DNM3: variants seen among roughly 807,000 people sequenced by gnomAD.
DNM3 encodes dynamin-3.
In DNM3, 47 loss-of-function variants were observed where a neutral mutation model predicts 101.6. The observed-to-expected ratio is 0.46, with a 90% CI of 0.37 to 0.59. The LOEUF (loss-of-function observed/expected upper bound fraction) is 0.59. DNM3 is among the 20% of genes least tolerant of loss of function. DNM3 has a pLI of 0.00. For missense variants in DNM3, 849 were observed against 1,085.7 expected, an observed-to-expected ratio of 0.78 and a Z score of 3.06; for synonymous variants, 385 against 387.9, an observed-to-expected ratio of 0.99 and a Z score of 0.09.
At chr1:171,897,517 A>G (rs1318698844) in intron 1 of DNM3, among the ~76,000 whole-genome samples, 1 of 152,232 alleles carries the variant, frequency 6.6e-6, no homozygotes, top group Non-Finnish European at 1.5e-5. Flanking sequence ...GTAGTGAATA[A>G]TCATGTCTAT....
intron 14 of DNM3, among the ~76,000 whole-genome samples, chr1:172,193,676 A>T (rs12354088): frequency 6.6e-6 from 1 of 152,068 alleles, no homozygotes; most frequent in Non-Finnish European, 1.5e-5. Context: ...ATCTGATGGT[A>T]GTTTGTATTT....
chr1:171,902,718 G>T (rs1415552860), intron 1 of DNM3, among the ~76,000 whole-genome samples: 2 of 152,032 alleles, frequency 1.3e-5, no homozygotes, highest in Non-Finnish European at 2.9e-5. Context: ...TTATCTGTTG[G>T]TGATGACATG....
intron 14 of DNM3, among the ~76,000 whole-genome samples, 190 bp downstream of exon 14, chr1:172,131,478 T>A (rs886887759): frequency 3.3e-5 from 5 of 152,222 alleles, no homozygotes; most frequent in African/African-American, 1.2e-4. Context: ...CGCCCAAATT[T>A]CTTTTTCTTT....
chr1:172,309,002 A>G (rs2064968183), intron 16 of DNM3, 163 bp downstream of exon 16: 2 of 426,172 alleles, frequency 4.7e-6, no homozygotes, highest in South Asian at 7.5e-5. Flanking sequence ...TTTTTTAACA[A>G]TGCTTTTTCT....
At chr1:172,344,151 A>T (rs531552150) in intron 17 of DNM3, among the ~76,000 whole-genome samples, 7 of 152,288 alleles carry the variant, frequency 4.6e-5, no homozygotes, top group South Asian at 2.1e-4. Context: ...GCCAGGCAAG[A>T]TTCAGAGGAC....
chr1:172,261,043 C>T (rs2062622838), intron 15 of DNM3, among the ~76,000 whole-genome samples: 1 of 152,052 alleles, frequency 6.6e-6, no homozygotes, highest in Non-Finnish European at 1.5e-5. Context: ...TACCACTGGG[C>T]TTAAGTGATT....
At chr1:171,887,055 C>G (rs1029703505) in intron 1 of DNM3, among the ~76,000 whole-genome samples, 7 of 152,290 alleles carry the variant, frequency 4.6e-5, no homozygotes, top group East Asian at 3.9e-4. Context: ...AATTGAATTA[C>G]TAGAGATGCT....
At chr1:171,927,769 A>G (rs1489127562) in intron 2 of DNM3, among the ~76,000 whole-genome samples, 1 of 152,198 alleles carries the variant, frequency 6.6e-6, no homozygotes, top group Non-Finnish European at 1.5e-5. Flanking sequence ...GTTTCCTTGG[A>G]TTGGGTTTTG....
At chr1:172,268,298 T>C (rs991978155) in intron 15 of DNM3, among the ~76,000 whole-genome samples, 5 of 151,834 alleles carry the variant, frequency 3.3e-5, no homozygotes, top group African/African-American at 9.7e-5. Context: ...AAAAATTGTA[T>C]ATTTTGAAAG....
chr1:172,159,218 A>T (rs748629608), intron 14 of DNM3, among the ~76,000 whole-genome samples: 1 of 152,120 alleles, frequency 6.6e-6, no homozygotes, highest in African/African-American at 2.4e-5. Flanking sequence ...AAAGCCGTCT[A>T]TGGAAAAGAA....
intron 13 of DNM3, among the ~76,000 whole-genome samples, chr1:172,097,513 G>A (rs745545518): frequency 3.3e-5 from 5 of 152,184 alleles, no homozygotes; most frequent in African/African-American, 4.8e-5. Context: ...GGAGACATAA[G>A]TTTCACTGTT....
chr1:172,250,297 G>T (rs2062117952), intron 14 of DNM3, among the ~76,000 whole-genome samples: 1 of 152,052 alleles, frequency 6.6e-6, no homozygotes, highest in Admixed American at 6.6e-5. Context: ...TCTCAAGTTG[G>T]GAAAAGATGT....
At chr1:171,901,210 C>A (rs1488886871) in intron 1 of DNM3, among the ~76,000 whole-genome samples, 1 of 151,398 alleles carries the variant, frequency 6.6e-6, no homozygotes, top group Non-Finnish European at 1.5e-5. Context: ...ATTGAGAAAT[C>A]CAAAAATTTA....
At chr1:172,106,844 A>ATTCTTTTT (rs2055061827) in intron 13 of DNM3, among the ~76,000 whole-genome samples, 1 of 51,052 alleles carries the variant, frequency 2.0e-5, no homozygotes. Context: ...AGGTAACATT[A>ATTCTTTTT]TTCTTTTTTT....
intron 14 of DNM3, among the ~76,000 whole-genome samples, chr1:172,170,024 A>T (rs139997052): frequency 1.8e-4 from 28 of 152,002 alleles, no homozygotes; most frequent in African/African-American, 5.8e-4. Context: ...AAGTATGTTT[A>T]GGAAGCAGAT....
chr1:172,276,095 C>T (rs1264268906), intron 15 of DNM3, among the ~76,000 whole-genome samples: 1 of 151,970 alleles, frequency 6.6e-6, no homozygotes, highest in Non-Finnish European at 1.5e-5. Flanking sequence ...AGTTAGCAAG[C>T]CTCCCCCCAT....
At chr1:172,371,864 ATT>A (rs1454420715) in intron 17 of DNM3, among the ~76,000 whole-genome samples, 21 of 148,152 alleles carry the variant, frequency 1.4e-4, no homozygotes, top group African/African-American at 5.2e-4. Context: ...ATTTATTTTT[ATT>A]TTTATTTTTT....
chr1:172,269,792 GC>G (rs151300736), intron 15 of DNM3, among the ~76,000 whole-genome samples: 4 of 152,068 alleles, frequency 2.6e-5, no homozygotes, highest in South Asian at 2.1e-4. Context: ...ATAGCGTGGG[GC>G]CCCCAGGCTG....
chr1:171,922,619 C>A (rs1015313812), intron 2 of DNM3, among the ~76,000 whole-genome samples: 1 of 152,162 alleles, frequency 6.6e-6, no homozygotes, highest in Non-Finnish European at 1.5e-5. Context: ...ATATGTGCAA[C>A]CATCTCCACA....
Sources: gnomAD v4.1 joint callset for allele counts (sites outside exome capture counted in the v4.1 genomes callset) on GRCh38, gnomAD v4.1.1 for gene constraint, MANE v1.5 for transcripts, NCBI Gene and HGNC (gene_info 2026-07-23, HGNC 2026-07-21) for gene names.